Variants in MBNL1 observed in about 807,000 individuals in gnomAD.
The protein encoded by MBNL1 is muscleblind-like protein 1.
In MBNL1, 8 loss-of-function variants were observed where a neutral mutation model predicts 42.2. The ratio of observed to expected loss-of-function variants is 0.19; its 90% CI spans 0.11 to 0.34. The LOEUF is 0.34. Ranked by LOEUF, MBNL1 falls within the 10% of genes least tolerant of loss-of-function variation. The pLI, the probability that MBNL1 is intolerant of heterozygous loss-of-function variation, is 1.00. For synonymous variants in MBNL1, 169 were observed against 173.9 expected (o/e 0.97, Z 0.22); for missense variants, 309 against 495.3 (o/e 0.62, Z 3.57).
intron 2 of MBNL1, among the ~76,000 whole-genome samples, chr3:152,329,999 A>G (rs377350596): frequency 6.6e-6 from 1 of 152,148 alleles, no homozygotes; most frequent in East Asian, 1.9e-4. Flanking sequence ...CTTATAACAG[A>G]AAACAAGATA....
intron 2 of MBNL1, among the ~76,000 whole-genome samples, chr3:152,410,307 C>G (rs543914487): frequency 6.6e-6 from 1 of 152,054 alleles, no homozygotes; most frequent in Non-Finnish European, 1.5e-5. Flanking sequence ...AATTCACAAT[C>G]GAACAACTTA....
intron 9 of MBNL1, among the ~76,000 whole-genome samples, chr3:152,461,083 A>G (rs558453526): frequency 6.6e-6 from 1 of 152,256 alleles, no homozygotes; most frequent in East Asian, 1.9e-4. Flanking sequence ...GCCTTGTAAA[A>G]GAAGGACAGT....
chr3:152,405,922 G>C (rs958971921), intron 2 of MBNL1, among the ~76,000 whole-genome samples: 1 of 152,138 alleles, frequency 6.6e-6, no homozygotes, highest in Middle Eastern at 3.2e-3. Context: ...GCTACAAACA[G>C]TTTAGAAATC....
intron 4 of MBNL1, among the ~76,000 whole-genome samples, chr3:152,442,440 G>T (rs1242941562): frequency 6.6e-6 from 1 of 152,140 alleles, no homozygotes; most frequent in Non-Finnish European, 1.5e-5. Flanking sequence ...ACAGAAGACT[G>T]GATGAGAAGA....
intron 2 of MBNL1, among the ~76,000 whole-genome samples, chr3:152,322,612 G>A (rs940477192): frequency 3.3e-5 from 5 of 152,138 alleles, no homozygotes; most frequent in Non-Finnish European, 5.9e-5. Flanking sequence ...TATGTAACAA[G>A]ATTGGTATGA....
intron 2 of MBNL1, among the ~76,000 whole-genome samples, chr3:152,314,353 A>C (rs1056278188): frequency 6.6e-6 from 1 of 151,676 alleles, no homozygotes; most frequent in Non-Finnish European, 1.5e-5. Context: ...TAGCCTGTTG[A>C]AATGGTCCGT....
In MBNL1 at chr3:152,396,428, C is replaced by T. The variant is rs542424563; in HGVS notation, c.175-18513C>T. Among the ~76,000 whole-genome samples the T allele has an allele frequency of 6.1e-4, 93 of 152,240 alleles. 1 individual carries two copies. The highest frequency in any genetic ancestry group is 2.1e-3 in the African/African-American group (87 of 41,524). On this transcript the variant is annotated intron_variant, in intron 2 of 9. Transcript: ENST00000324210. ...TGTTATAGAAGACATAATGCTCAGA[C>T]TTGATATCAGACCTGATTTGCTACT...
intron 2 of MBNL1, among the ~76,000 whole-genome samples, chr3:152,313,581 A>G (rs2068405978): frequency 6.6e-6 from 1 of 152,244 alleles, no homozygotes; most frequent in Non-Finnish European, 1.5e-5. Context: ...CATAGATACT[A>G]ACGGTAGCCG....
chr3:152,288,391 G>A (rs908673144), intron 1 of MBNL1, among the ~76,000 whole-genome samples: 4 of 152,146 alleles, frequency 2.6e-5, no homozygotes, highest in African/African-American at 4.8e-5. Flanking sequence ...CCGCCTCAGG[G>A]AAAATTACTA....
chr3:152,385,475 A>T (rs1560391197), intron 2 of MBNL1, among the ~76,000 whole-genome samples: 1 of 152,058 alleles, frequency 6.6e-6, no homozygotes, highest in East Asian at 1.9e-4. Context: ...TTTTAATTAT[A>T]TCAAATCATG....
At chr3:152,437,760 G>C (rs1560593431) in intron 4 of MBNL1, among the ~76,000 whole-genome samples, 1 of 142,312 alleles carries the variant, frequency 7.0e-6, no homozygotes, top group Non-Finnish European at 1.5e-5. Context: ...AGTACTTTCT[G>C]TACTCCAAAA....
intron 2 of MBNL1, among the ~76,000 whole-genome samples, chr3:152,375,687 T>C (rs1486371945): frequency 6.6e-6 from 1 of 152,094 alleles, no homozygotes; most frequent in Admixed American, 6.6e-5. Context: ...AGGTCTTCGA[T>C]GTGTGCCTGT....
At chr3:152,404,724 A>G (rs2098376338) in intron 2 of MBNL1, among the ~76,000 whole-genome samples, 1 of 150,346 alleles carries the variant, frequency 6.7e-6, no homozygotes, top group Admixed American at 6.6e-5. Context: ...ACACACAAAG[A>G]TATATAACTT....
intron 2 of MBNL1, among the ~76,000 whole-genome samples, chr3:152,305,021 T>C (rs528897287): frequency 6.6e-6 from 1 of 152,208 alleles, no homozygotes; most frequent in Non-Finnish European, 1.5e-5. Context: ...GTCTACTTTT[T>C]TTCTCATGAA....
At chr3:152,260,538 T>C (rs1285031365) in intron 2 of MBNL1, among the ~76,000 whole-genome samples, 1 of 152,174 alleles carries the variant, frequency 6.6e-6, no homozygotes, top group Non-Finnish European at 1.5e-5. Flanking sequence ...CATAATTACA[T>C]GTATGAGTAT....
At chr3:152,373,117 T>G (rs2096743673) in intron 2 of MBNL1, among the ~76,000 whole-genome samples, 2 of 152,082 alleles carry the variant, frequency 1.3e-5, no homozygotes, top group South Asian at 4.1e-4. Context: ...AACCACCTAC[T>G]CAAGCCTCAG....
At chr3:152,385,288 CTT>C (rs1266476786) in intron 2 of MBNL1, among the ~76,000 whole-genome samples, 1 of 151,970 alleles carries the variant, frequency 6.6e-6, no homozygotes, top group Non-Finnish European at 1.5e-5. Flanking sequence ...TAAGGTACTT[CTT>C]TAATCCTCTC....
At chr3:152,390,336 G>C (rs112792079) in intron 2 of MBNL1, among the ~76,000 whole-genome samples, 3 of 151,452 alleles carry the variant, frequency 2.0e-5, no homozygotes, top group Non-Finnish European at 2.9e-5. Context: ...ACAGGGTTGG[G>C]ACCATTAATA....
intron 1 of MBNL1, among the ~76,000 whole-genome samples, chr3:152,289,633 A>G (rs1197118349): frequency 2.0e-5 from 3 of 152,126 alleles, no homozygotes; most frequent in Non-Finnish European, 4.4e-5. Flanking sequence ...TATGAAGAAT[A>G]TATATTATTA....
Sources: allele counts gnomAD v4.1 joint callset (sites outside exome capture counted in the v4.1 genomes callset), GRCh38; gene constraint gnomAD v4.1.1; transcripts MANE v1.5; gene names NCBI Gene and HGNC (gene_info 2026-07-23, HGNC 2026-07-21).